Variants in MS4A13 observed in about 807,000 individuals in gnomAD.
MS4A13 encodes membrane spanning 4-domains A13.
In MS4A13, 21 loss-of-function variants were observed where a neutral mutation model predicts 18.4. That is an observed-to-expected ratio of 1.14 (90% confidence interval 0.81 to 1.64). MS4A13 has a LOEUF of 1.64. MS4A13 is among the 40% of genes most tolerant of loss of function. MS4A13 has a pLI of 0.00. For synonymous variants in MS4A13, 62 were observed against 57.2 expected (o/e 1.08, Z -0.38); for missense variants, 173 against 176.8 (o/e 0.98, Z 0.12).
At chr11:60,530,429 T>A (rs904541600) in intron 6 of MS4A13, among the ~76,000 whole-genome samples, 1 of 152,212 alleles carries the variant, frequency 6.6e-6, no homozygotes, top group Admixed American at 6.5e-5. Context: ...GAAACAACTA[T>A]AAGACTACAT....
chr11:60,524,074 AAG>A, intron 4 of MS4A13, 121 bp downstream of exon 4: 1 of 592,756 alleles, frequency 1.7e-6, no homozygotes. Context: ...AAGTAAATGA[AAG>A]AATTAAGAAT....
At chr11:60,535,499 C>A (rs2086801765) in intron 6 of MS4A13, among the ~76,000 whole-genome samples, 1 of 135,488 alleles carries the variant, frequency 7.4e-6, no homozygotes. Flanking sequence ...CTGAATAGAC[C>A]AATAACAGGC....
intron 4 of MS4A13, 108 bp downstream of exon 4, chr11:60,524,061 G>A: frequency 1.6e-6 from 1 of 627,820 alleles, no homozygotes; most frequent in Non-Finnish European, 2.8e-6. Context: ...TACCCTACCT[G>A]TAAAGTAAAT....
rs79913929 is a variant in MS4A13, at chr11:60,515,918, C to G, written c.-128-51C>G. The stretch of plus-strand genomic sequence containing the variant: ...AACAATAAGGAAAGGATCAAACTTA[C>G]GTATTTTCTTCTAAGAAAATAATGT... On this transcript the variant is annotated intron_variant, in intron 1 of 6. Transcript: ENST00000378186. 1.2e-4 allele frequency: 19 copies of G among 152,252 alleles called. 1 individual carries two copies. In the East Asian group the frequency reaches 3.7e-3, roughly 29 times the overall value. The allele number at this position is 152,252 out of a possible 1,614,324, so 9.4% of individuals were successfully genotyped here.
At chr11:60,517,573 A>G (rs2086645667) in intron 2 of MS4A13, among the ~76,000 whole-genome samples, 1 of 152,166 alleles carries the variant, frequency 6.6e-6, no homozygotes, top group African/African-American at 2.4e-5. Context: ...CCACTCCAGC[A>G]TACTTGTGAA....
At position 60,525,141 on chromosome 11, in the gene MS4A13, A is replaced by G. The variant is rs2086704960; in HGVS notation, c.187-66A>G. 25 of 1,262,668 alleles carry G rather than the reference A, an allele frequency of 2.0e-5. 1 individual carries two copies. In the South Asian group the frequency reaches 2.5e-4, roughly 13 times the overall value. The allele number at this position is 1,262,668 out of a possible 1,614,324, so 78.2% of individuals were successfully genotyped here. A position where few individuals can be genotyped will look rare whatever the true frequency, so the allele number is the denominator to read the frequency against. On this transcript the variant is annotated intron_variant, in intron 4 of 6. Coordinates refer to ENST00000378186, the MANE Select transcript of MS4A13 (RefSeq NM_001012417.3). ...TTTAACTAGATGAGTTTTTTCAGCA[A>G]TGCAAACTATTACACCAAAATGTTT...
At chr11:60,519,568 G>A (rs1384110878) in intron 3 of MS4A13, among the ~76,000 whole-genome samples, 2 of 152,126 alleles carry the variant, frequency 1.3e-5, no homozygotes, top group African/African-American at 4.8e-5. Context: ...TGGAGAGGTG[G>A]TTTTATTTTC....
At chr11:60,521,370 T>G (rs2086672724) in intron 3 of MS4A13, among the ~76,000 whole-genome samples, 2 of 152,256 alleles carry the variant, frequency 1.3e-5, no homozygotes, top group Admixed American at 1.3e-4. Flanking sequence ...TAAATTTTTT[T>G]GAACTTTTAT....
chr11:60,530,630 C>T (rs1385109884), intron 6 of MS4A13, among the ~76,000 whole-genome samples: 3 of 152,196 alleles, frequency 2.0e-5, no homozygotes, highest in Non-Finnish European at 2.9e-5. Flanking sequence ...ATCTACTGGA[C>T]CTCAGTAAGA....
chr11:60,524,115 A>G (rs1374253294), intron 4 of MS4A13, among the ~76,000 whole-genome samples, 162 bp downstream of exon 4: 2 of 152,166 alleles, frequency 1.3e-5, no homozygotes, highest in African/African-American at 4.8e-5. Context: ...TTTAATATAG[A>G]CAAATATACT....
At chr11:60,542,150 G>A (rs1260953102) in intron 6 of MS4A13, among the ~76,000 whole-genome samples, 1 of 144,790 alleles carries the variant, frequency 6.9e-6, no homozygotes, top group Non-Finnish European at 1.5e-5. Flanking sequence ...AGGAAGGAAT[G>A]TAGGAAGGAA....
chr11:60,529,455 A>G lies in MS4A13; in HGVS notation c.397A>G (p.Asn133Asp), dbSNP rs767822121. Residue 133 changes from asparagine (N) to aspartate (D), a missense_variant, in exon 6 of 7, where the codon AAT becomes GAT. Coordinates refer to ENST00000378186, the MANE Select transcript of MS4A13 (RefSeq NM_001012417.3). ...ALTHSIYSCS[N>D]LFRRQNDLTS... ...TACACACTCAATATACAGCTGTTCC[A>G]ATTTGGTAAGTGTTTACCCACTCTC... 1.3e-6 allele frequency: 2 copies of G among 1,587,376 alleles called. No individual in the cohort carries two copies. Among genetic ancestry groups the G allele is most frequent in the South Asian group, 2.3e-5 (2 of 87,454 alleles).
At chr11:60,531,490 A>G (rs4938955) in intron 6 of MS4A13, among the ~76,000 whole-genome samples, 2,729 of 152,306 alleles carry the variant, frequency 0.018, 157 homozygotes, top group East Asian at 0.14. Context: ...AAAATAAAGT[A>G]AAAGCTGGGG....
At chr11:60,538,177 T>TTAAAAAAAAAAAAAAAAAAAAAAA (rs60140970) in intron 6 of MS4A13, among the ~76,000 whole-genome samples, 1 of 75,120 alleles carries the variant, frequency 1.3e-5, no homozygotes, top group South Asian at 4.3e-4. Context: ...TAAAGTATAA[T>TTAAAAAAAAAAAAAAAAAAAAAAA]AAAAAAAAAA....
intron 5 of MS4A13, among the ~76,000 whole-genome samples, chr11:60,527,392 C>CTGTGTGTGTGTGTG (rs2086723454): frequency 8.2e-6 from 1 of 122,170 alleles, no homozygotes; most frequent in African/African-American, 3.8e-5. Context: ...CTCTCTCTCT[C>CTGTGTGTGTGTGTG]TCTCTCTCTC....
chr11:60,525,146 A>G, intron 4 of MS4A13, 61 bp from the exon 5 acceptor site: 3 of 1,338,362 alleles, frequency 2.2e-6, no homozygotes, highest in Non-Finnish European at 3.2e-6. Context: ...CAGCAATGCA[A>G]ACTATTACAC....
intron 3 of MS4A13, among the ~76,000 whole-genome samples, chr11:60,519,405 GT>G (rs796778494): frequency 7.2e-4 from 105 of 145,864 alleles, no homozygotes; most frequent in Middle Eastern, 7.3e-3. Flanking sequence ...GCCTGTGGAA[GT>G]TTTTTTTTTT....
intron 5 of MS4A13, among the ~76,000 whole-genome samples, chr11:60,527,765 G>A (rs1047308805): frequency 6.0e-4 from 91 of 152,130 alleles, no homozygotes; most frequent in African/African-American, 2.1e-3. Flanking sequence ...GAACCCAGGA[G>A]GCAGAGGTTG....
intron 5 of MS4A13, among the ~76,000 whole-genome samples, chr11:60,525,996 G>T (rs2086710895): frequency 6.6e-6 from 1 of 150,382 alleles, no homozygotes; most frequent in Non-Finnish European, 1.5e-5. Context: ...GAAACACCTT[G>T]TCTGACCAAC....
Sources: allele counts gnomAD v4.1 joint callset (sites outside exome capture counted in the v4.1 genomes callset), GRCh38; gene constraint gnomAD v4.1.1; transcripts MANE v1.5; gene names NCBI Gene and HGNC (gene_info 2026-07-23, HGNC 2026-07-21).